The following ZSWIM6 variants were observed in gnomAD, a reference collection of about 807,000 sequenced individuals.
ZSWIM6 encodes the protein zinc finger SWIM domain-containing protein 6.
ZSWIM6 carries 9 observed loss-of-function variants against 113.2 expected under a neutral mutation model. The ratio of observed to expected loss-of-function variants is 0.08; its 90% CI spans 0.05 to 0.14. ZSWIM6 has a LOEUF of 0.14. Ranked by LOEUF, ZSWIM6 falls within the 10% of genes least tolerant of loss-of-function variation. ZSWIM6 has a pLI of 1.00. For synonymous variants in ZSWIM6, 611 were observed against 606.5 expected, an observed-to-expected ratio of 1.01 and a Z score of -0.11; for missense variants, 1,162 against 1,552.2, an observed-to-expected ratio of 0.75 and a Z score of 4.22.
intron 2 of ZSWIM6, among the ~76,000 whole-genome samples, chr5:61,481,468 C>CT (rs1330761084): frequency 6.6e-6 from 1 of 151,982 alleles, no homozygotes; most frequent in Non-Finnish European, 1.5e-5. Flanking sequence ...TGCCACCCTG[C>CT]TTAACATTCT....
chr5:61,396,529 CAAAAAAAAAAA>C (rs60743291), intron 1 of ZSWIM6, among the ~76,000 whole-genome samples: 3 of 69,794 alleles, frequency 4.3e-5, no homozygotes, highest in Non-Finnish European at 8.5e-5. Context: ...GACTCTGTCT[CAAAAAAAAAAA>C]AAAAAAAAGA....
At chr5:61,376,961 T>C (rs1267235074) in intron 1 of ZSWIM6, among the ~76,000 whole-genome samples, 1 of 151,664 alleles carries the variant, frequency 6.6e-6, no homozygotes, top group Admixed American at 6.6e-5. Context: ...AGACTTACAA[T>C]AACAAGTTGA....
At chr5:61,491,386 G>C (rs984655940) in intron 3 of ZSWIM6, among the ~76,000 whole-genome samples, 1 of 152,002 alleles carries the variant, frequency 6.6e-6, no homozygotes, top group Non-Finnish European at 1.5e-5. Context: ...ATAGATCTCA[G>C]TTTGAATCCA....
At position 61,370,776 on chromosome 5, in the gene ZSWIM6, A is replaced by G. The variant is rs1193617553; in HGVS notation, c.676+37828A>G. Reference sequence around the variant, plus strand: ...AATTGCCTACCAGTTTCACACACCAATTGCCAGCAATGGATATTAGCATAG... The same window carrying G: ...AATTGCCTACCAGTTTCACACACCAGTTGCCAGCAATGGATATTAGCATAG... On this transcript the variant is annotated intron_variant, in intron 1 of 13. Coordinates refer to ENST00000252744, the MANE Select transcript of ZSWIM6 (RefSeq NM_020928.2). Among the ~76,000 whole-genome samples the G allele has an allele frequency of 5.3e-5, 8 of 152,352 alleles. No individual in the cohort carries two copies. The East Asian group carries it at 5.8e-4, about 11-fold the overall frequency.
chr5:61,345,279 T>C lies in ZSWIM6; in HGVS notation c.676+12331T>C, dbSNP rs192754717. 1.1e-3 allele frequency among the ~76,000 whole-genome samples: 171 copies of C among 152,372 alleles called. 1 individual carries two copies. The highest frequency in any genetic ancestry group is 0.011 in the Admixed American group (165 of 15,302). On this transcript the variant is annotated intron_variant, in intron 1 of 13. Transcript: ENST00000252744. Reference sequence around the variant, plus strand: ...TTAGATTTGGTTAATACTCTAGTAATATATTTAAAACTTACTGTTCATTTT... The same window carrying C: ...TTAGATTTGGTTAATACTCTAGTAACATATTTAAAACTTACTGTTCATTTT...
At chr5:61,484,464 T>G (rs1261660898) in intron 2 of ZSWIM6, among the ~76,000 whole-genome samples, 2 of 152,184 alleles carry the variant, frequency 1.3e-5, no homozygotes, top group African/African-American at 2.4e-5. Context: ...AGGAGGGATA[T>G]GTCAGATTTC....
chr5:61,496,467 G>A (rs1381723945), intron 4 of ZSWIM6, among the ~76,000 whole-genome samples: 1 of 152,128 alleles, frequency 6.6e-6, no homozygotes, highest in African/African-American at 2.4e-5. Context: ...TTAATAAAAT[G>A]GGGGAATTTG....
At chr5:61,463,883 T>C (rs1490043618) in intron 1 of ZSWIM6, among the ~76,000 whole-genome samples, 1 of 152,194 alleles carries the variant, frequency 6.6e-6, no homozygotes, top group East Asian at 1.9e-4. Flanking sequence ...AGAACTGTGC[T>C]GGATCCTTGG....
intron 1 of ZSWIM6, among the ~76,000 whole-genome samples, chr5:61,348,078 G>A (rs776079985): frequency 1.3e-5 from 2 of 152,094 alleles, no homozygotes; most frequent in Admixed American, 6.5e-5. Flanking sequence ...AAAGTTAGCC[G>A]GGTGTGGTGG....
At chr5:61,388,404 T>C (rs2112088820) in intron 1 of ZSWIM6, among the ~76,000 whole-genome samples, 1 of 152,326 alleles carries the variant, frequency 6.6e-6, no homozygotes, top group South Asian at 2.1e-4. Flanking sequence ...TAGTGGCCTG[T>C]CAAAGCTATC....
chr5:61,332,993 C>A (rs1561194447), intron 1 of ZSWIM6, 45 bp downstream of exon 1: 1 of 665,534 alleles, frequency 1.5e-6, no homozygotes, highest in South Asian at 4.8e-5. Context: ...TCCGTCAGTC[C>A]CTGGGTGGGG....
chr5:61,332,713 GGGCGGCGGCGGCGGC>G lies in ZSWIM6; in HGVS notation c.448_462del (p.Gly150_Gly154del), dbSNP rs864309616. 1 of 903,050 alleles carries G rather than the reference GGGCGGCGGCGGCGGC, an allele frequency of 1.1e-6. No homozygotes were observed. Among genetic ancestry groups the G allele is most frequent in the Non-Finnish European group, 1.3e-6 (1 of 762,524 alleles). The allele number at this position is 903,050 out of a possible 1,614,324, so 55.9% of individuals were successfully genotyped here. On this transcript the variant is annotated inframe_deletion, in exon 1 of 14. Coordinates refer to ENST00000252744, the MANE Select transcript of ZSWIM6 (RefSeq NM_020928.2). ...ACGACAGCGGTGGCGGCGGCGGCGC[GGGCGGCGGCGGCGGC>G]GGCGGCTCCTCGTCTTCCCCGGCCG... is the stretch of plus-strand genomic sequence containing the variant.
chr5:61,463,316 A>G (rs1747355991), intron 1 of ZSWIM6, among the ~76,000 whole-genome samples: 2 of 152,316 alleles, frequency 1.3e-5, no homozygotes, highest in Admixed American at 6.5e-5. Flanking sequence ...AAGATATTGT[A>G]TATATTTTTA....
At chr5:61,379,574 G>A (rs1005005015) in intron 1 of ZSWIM6, among the ~76,000 whole-genome samples, 1 of 152,152 alleles carries the variant, frequency 6.6e-6, no homozygotes. Flanking sequence ...ACAAAGAAGT[G>A]AGGATCCTTT....
At chr5:61,345,511 G>T (rs547045762) in intron 1 of ZSWIM6, among the ~76,000 whole-genome samples, 91 of 152,292 alleles carry the variant, frequency 6.0e-4, no homozygotes, top group African/African-American at 2.0e-3. Flanking sequence ...AGGTGAATTT[G>T]TATCTTTGGA....
intron 1 of ZSWIM6, among the ~76,000 whole-genome samples, chr5:61,417,398 A>G (rs923033027): frequency 6.6e-6 from 1 of 152,202 alleles, no homozygotes; most frequent in African/African-American, 2.4e-5. Flanking sequence ...TTTTTTTAGT[A>G]TAAATAGATG....
Position 61,438,215 on chromosome 5 carries a change from C to T in ZSWIM6, c.677-34466C>T, listed in dbSNP as rs553330884. Among the ~76,000 whole-genome samples, 22 of 152,164 alleles carry T rather than the reference C, an allele frequency of 1.4e-4. No individual in the cohort carries two copies. The South Asian group carries it at 4.6e-3, about 32-fold the overall frequency. On this transcript the variant is annotated intron_variant, in intron 1 of 13. Coordinates refer to ENST00000252744, the MANE Select transcript of ZSWIM6 (RefSeq NM_020928.2). Reference sequence around the variant, plus strand: ...TACATCTTTAATATGGAATGAATTGCTGATGAAAGATAGTCATGTTCGAAA... The same window carrying T: ...TACATCTTTAATATGGAATGAATTGTTGATGAAAGATAGTCATGTTCGAAA...
At chr5:61,333,418 A>T (rs1277023365) in intron 1 of ZSWIM6, among the ~76,000 whole-genome samples, 7 of 149,598 alleles carry the variant, frequency 4.7e-5, no homozygotes, top group African/African-American at 1.2e-4. Flanking sequence ...CCCCTCTCCC[A>T]CTGCCTGTCG....
intron 1 of ZSWIM6, among the ~76,000 whole-genome samples, chr5:61,406,979 C>T (rs958073043): frequency 5.3e-5 from 8 of 152,198 alleles, no homozygotes; most frequent in East Asian, 3.9e-4. Flanking sequence ...TCCCAAAGTG[C>T]TGGGATTACA....
Sources: allele counts gnomAD v4.1 joint callset (sites outside exome capture counted in the v4.1 genomes callset), GRCh38; gene constraint gnomAD v4.1.1; transcripts MANE v1.5; gene names NCBI Gene and HGNC (gene_info 2026-07-23, HGNC 2026-07-21).